Variants in DOK6 observed in about 807,000 individuals in gnomAD.
DOK6 encodes the protein downstream of tyrosine kinase 6.
Under a neutral mutation model 44.0 loss-of-function variants are expected in DOK6, and 22 were observed. The observed-to-expected ratio is 0.50, with a 90% CI of 0.36 to 0.71. The LOEUF is 0.71. Ranked by LOEUF, DOK6 falls within the 30% of genes least tolerant of loss-of-function variation. The pLI, the probability that DOK6 is intolerant of heterozygous loss-of-function variation, is 0.00. For missense variants in DOK6, 340 were observed against 416.4 expected (o/e 0.82, Z 1.60); for synonymous variants, 166 against 145.5 (o/e 1.14, Z -1.01).
intron 1 of DOK6, among the ~76,000 whole-genome samples, chr18:69,497,429 G>A (rs760812525): frequency 6.6e-6 from 1 of 152,136 alleles, no homozygotes; most frequent in Non-Finnish European, 1.5e-5. Context: ...TTCACAAGCA[G>A]GATCCTTGAA....
intron 1 of DOK6, among the ~76,000 whole-genome samples, chr18:69,513,771 G>A (rs116071632): frequency 9.9e-5 from 15 of 152,246 alleles, no homozygotes; most frequent in African/African-American, 3.4e-4. Flanking sequence ...CAATGCATTT[G>A]TATTTGCCAA....
intron 7 of DOK6, among the ~76,000 whole-genome samples, chr18:69,771,751 C>T (rs1979892572): frequency 6.6e-6 from 1 of 151,626 alleles, no homozygotes; most frequent in Admixed American, 6.6e-5. Flanking sequence ...CATTGAATTG[C>T]TTTATGTCCT....
intron 2 of DOK6, among the ~76,000 whole-genome samples, chr18:69,588,135 A>C (rs142671394): frequency 6.1e-4 from 93 of 152,298 alleles, no homozygotes; most frequent in African/African-American, 2.0e-3. Flanking sequence ...TATTCTCTCT[A>C]TGACATTAAC....
At chr18:69,588,442 G>A (rs915582867) in intron 2 of DOK6, among the ~76,000 whole-genome samples, 3 of 152,118 alleles carry the variant, frequency 2.0e-5, no homozygotes, top group African/African-American at 7.2e-5. Context: ...AGTGGCAGCT[G>A]TAGCATTTCT....
chr18:69,487,199 G>C (rs1341000581), intron 1 of DOK6, among the ~76,000 whole-genome samples: 1 of 146,544 alleles, frequency 6.8e-6, no homozygotes, highest in African/African-American at 2.5e-5. Flanking sequence ...GTGTGTGTGT[G>C]TGTGTGTGTG....
At chr18:69,546,844 T>C (rs1483951988) in intron 1 of DOK6, among the ~76,000 whole-genome samples, 1 of 151,542 alleles carries the variant, frequency 6.6e-6, no homozygotes, top group East Asian at 1.9e-4. Context: ...TTGAACTATA[T>C]CATATGTTGC....
intron 1 of DOK6, among the ~76,000 whole-genome samples, chr18:69,515,060 T>G (rs924199197): frequency 3.3e-5 from 5 of 152,202 alleles, no homozygotes. Context: ...ATTAAGATGA[T>G]GACAGCTTTC....
chr18:69,537,696 G>A (rs1982160216), intron 1 of DOK6, among the ~76,000 whole-genome samples: 1 of 152,050 alleles, frequency 6.6e-6, no homozygotes. Flanking sequence ...CAATTTTAAG[G>A]TTTTGAATAA....
At chr18:69,683,292 G>C (rs1279141064) in intron 4 of DOK6, among the ~76,000 whole-genome samples, 1 of 152,196 alleles carries the variant, frequency 6.6e-6, no homozygotes, top group Non-Finnish European at 1.5e-5. Context: ...GCTCTCTGCA[G>C]TGAGGGAATC....
chr18:69,409,167 C>T lies in DOK6; in HGVS notation c.66+7857C>T, dbSNP rs181746372. 3.0e-3 allele frequency among the ~76,000 whole-genome samples: 463 copies of T among 152,238 alleles called. 2 individuals are homozygous for T. Among genetic ancestry groups the T allele is most frequent in the African/African-American group, 0.011 (441 of 41,538 alleles). ...CCTTCACTGGGTACTCATTCTGTCT[C>T]CTGCCGCCCTGTGAAGAGGTGCCTT... On this transcript the variant is annotated intron_variant, in intron 1 of 7. Transcript: ENST00000382713.
chr18:69,473,441 C>T (rs1980172461), intron 1 of DOK6, among the ~76,000 whole-genome samples: 1 of 152,180 alleles, frequency 6.6e-6, no homozygotes, highest in South Asian at 2.1e-4. Flanking sequence ...CCCTCATATT[C>T]CCCCAGTAGC....
chr18:69,439,796 C>T (rs1425546036), intron 1 of DOK6, among the ~76,000 whole-genome samples: 1 of 152,194 alleles, frequency 6.6e-6, no homozygotes, highest in Non-Finnish European at 1.5e-5. Flanking sequence ...TTCTCCATAT[C>T]AGCAACCCAG....
chr18:69,664,370 C>G (rs987536335), intron 3 of DOK6, among the ~76,000 whole-genome samples: 5 of 152,170 alleles, frequency 3.3e-5, no homozygotes, highest in Non-Finnish European at 7.4e-5. Context: ...TCTTTATGAG[C>G]TGTACAATAC....
chr18:69,460,890 T>C (rs1286614654), intron 1 of DOK6, among the ~76,000 whole-genome samples: 1 of 152,194 alleles, frequency 6.6e-6, no homozygotes, highest in Non-Finnish European at 1.5e-5. Flanking sequence ...GCAGCAACAC[T>C]TTCTGCTTCA....
At chr18:69,413,729 A>T (rs7234297) in intron 1 of DOK6, among the ~76,000 whole-genome samples, 2,167 of 152,038 alleles carry the variant, frequency 0.014, 26 homozygotes, top group Middle Eastern at 0.051. Context: ...GATCCATAAA[A>T]GGAAATATTG....
chr18:69,427,546 G>T (rs1225995523), intron 1 of DOK6, among the ~76,000 whole-genome samples: 1 of 152,192 alleles, frequency 6.6e-6, no homozygotes, highest in Non-Finnish European at 1.5e-5. Context: ...ATACAGTGTG[G>T]TGATTCCTCA....
intron 7 of DOK6, among the ~76,000 whole-genome samples, chr18:69,819,098 G>A (rs1368947869): frequency 6.6e-6 from 1 of 152,166 alleles, no homozygotes. Context: ...ATCCTCACAA[G>A]TACACAAGGG....
intron 1 of DOK6, among the ~76,000 whole-genome samples, chr18:69,419,241 G>T (rs1247604689): frequency 2.0e-5 from 3 of 152,126 alleles, no homozygotes; most frequent in Non-Finnish European, 4.4e-5. Flanking sequence ...TGCAGTAAAA[G>T]AGAGATCACT....
At chr18:69,519,303 GA>G (rs538806208) in intron 1 of DOK6, among the ~76,000 whole-genome samples, 43 of 151,700 alleles carry the variant, frequency 2.8e-4, no homozygotes, top group African/African-American at 9.9e-4. Context: ...TTATAGTGAA[GA>G]AAAAAACACA....
Sources: allele counts gnomAD v4.1 joint callset (sites outside exome capture counted in the v4.1 genomes callset), GRCh38; gene constraint gnomAD v4.1.1; transcripts MANE v1.5; gene names NCBI Gene and HGNC (gene_info 2026-07-23, HGNC 2026-07-21).